The following NCOR1 variants were observed in gnomAD, a reference collection of about 807,000 sequenced individuals.
NCOR1 encodes protein phosphatase 1, regulatory subunit 109.
Under a neutral mutation model 288.1 loss-of-function variants are expected in NCOR1, and 63 were observed. That is an observed-to-expected ratio of 0.22 (90% CI 0.18 to 0.27). The LOEUF (loss-of-function observed/expected upper bound fraction) is 0.27. NCOR1 is among the 10% of genes least tolerant of loss of function. The pLI is 1.00. For missense variants in NCOR1, 2,397 were observed against 3,019.2 expected (o/e 0.79, Z 4.83); for synonymous variants, 1,007 against 1,065.9 (o/e 0.94, Z 1.08).
chr17:16,208,872 A>G (rs2153611997), intron 1 of NCOR1, among the ~76,000 whole-genome samples: 1 of 152,284 alleles, frequency 6.6e-6, no homozygotes, highest in East Asian at 1.9e-4. Flanking sequence ...TTGATAATTT[A>G]CTAATTACAG....
At position 16,061,429 on chromosome 17, in the gene NCOR1, G is replaced by A; in HGVS notation, c.5853C>T (p.Gly1951=). ...IASDKDARER[G]SQSSDSSSSL... is the part of the protein sequence containing the mutation. ...TACTAGAAGAGTCTGAACTTTGAGAGCCACGTTCCCTCGCATCCTTGTCCG... is the reference window on the plus strand; with the variant it reads ...TACTAGAAGAGTCTGAACTTTGAGAACCACGTTCCCTCGCATCCTTGTCCG... Residue 1951 remains glycine, a synonymous_variant, in exon 37 of 46, where the codon GGC becomes GGT. Transcript: ENST00000268712. 1 of 1,614,164 alleles carries A rather than the reference G, an allele frequency of 6.2e-7. No homozygotes were observed. Among genetic ancestry groups the A allele is most frequent in the Non-Finnish European group, 8.5e-7 (1 of 1,180,028 alleles).
intron 2 of NCOR1, chr17:16,192,044 C>CA (rs1382365965): frequency 8.8e-5 from 13 of 147,618 alleles, no homozygotes; most frequent in Admixed American, 2.7e-4. Flanking sequence ...AAAAAAAAAA[C>CA]AAAAAAAATG....
chr17:16,122,265 A>AAT (rs1321626695), intron 15 of NCOR1, among the ~76,000 whole-genome samples: 1 of 152,228 alleles, frequency 6.6e-6, no homozygotes, highest in Non-Finnish European at 1.5e-5. Flanking sequence ...GATAGATGGC[A>AAT]ATACTCAAAG....
At chr17:16,198,295 T>C (rs2090200848) in intron 1 of NCOR1, 1 of 147,774 alleles carries the variant, frequency 6.8e-6, no homozygotes, top group Admixed American at 6.8e-5. Context: ...GAGGCAGAGC[T>C]TGCAGTGAGC....
chr17:16,137,595 T>C (rs1251652137), intron 13 of NCOR1, among the ~76,000 whole-genome samples, 183 bp from the exon 14 acceptor site: 2 of 152,194 alleles, frequency 1.3e-5, no homozygotes, highest in East Asian at 1.9e-4. Context: ...ATAGGTACTA[T>C]TTTAATAGAC....
intron 42 of NCOR1, among the ~76,000 whole-genome samples, chr17:16,042,125 A>C (rs1391904164): frequency 6.7e-6 from 1 of 148,436 alleles, no homozygotes; most frequent in Non-Finnish European, 1.5e-5. Context: ...TGTGCCTAGA[A>C]ACAAACTTGG....
At position 16,118,921 on chromosome 17, in the gene NCOR1, C is replaced by G. The variant is rs368321093; in HGVS notation, c.1915+502G>C. Among the ~76,000 whole-genome samples, 8 of 152,318 alleles carry G rather than the reference C, an allele frequency of 5.3e-5. No homozygotes were observed. In the East Asian group the frequency reaches 1.4e-3, roughly 26 times the overall value. On this transcript the variant is annotated intron_variant, in intron 17 of 45. Transcript: ENST00000268712. ...GAAAGTGGCAGAGACAGGACTCAAA[C>G]CTTCGCTGGCCTGGTTACAAACTTC...
chr17:16,058,567 C>A lies in NCOR1; in HGVS notation c.5914G>T (p.Ala1972Ser), dbSNP rs781610396. 5.7e-5 allele frequency: 92 copies of A among 1,612,816 alleles called. No individual in the cohort carries two copies. The highest frequency in any genetic ancestry group is 7.7e-5 in the Non-Finnish European group (91 of 1,179,214). The change falls in exon 38 of 46, where the codon GCT becomes TCT. Residue 1972 changes from alanine to serine, a missense_variant. By Grantham distance (99) the Ala-to-Ser change is moderately conservative. Around this residue, in one of 11 missense-constraint regions of NCOR1, gnomAD observed 1,872 missense variants for 2,187.8 expected, o/e 0.86. Transcript: ENST00000268712. ...CTGGCAGGACTTATCACCTCAATAGCATCGCTAGGTGTTTCATACCTGTGA... is the reference window on the plus strand; with the variant it reads ...CTGGCAGGACTTATCACCTCAATAGAATCGCTAGGTGTTTCATACCTGTGA... ...SSHRYETPSD[A>S]IEVISPASSP...
intron 1 of NCOR1, among the ~76,000 whole-genome samples, chr17:16,208,478 C>G (rs1013143280): frequency 4.6e-5 from 7 of 152,004 alleles, no homozygotes; most frequent in Admixed American, 3.3e-4. Context: ...TGAGTGCTGT[C>G]TAGGATGAAC....
At chr17:16,201,546 CAA>C (rs1038866072) in intron 1 of NCOR1, among the ~76,000 whole-genome samples, 2 of 152,052 alleles carry the variant, frequency 1.3e-5, no homozygotes, top group African/African-American at 4.8e-5. Context: ...TGCAGTGAGA[CAA>C]GATCATGCCA....
chr17:16,176,095 C>T (rs922049732), intron 3 of NCOR1, among the ~76,000 whole-genome samples: 22 of 151,648 alleles, frequency 1.5e-4, no homozygotes, highest in African/African-American at 5.3e-4. Flanking sequence ...GGCACATGCC[C>T]GTAATCCCAG....
chr17:16,035,413 C>T (rs1483309817), intron 44 of NCOR1, among the ~76,000 whole-genome samples: 5 of 152,064 alleles, frequency 3.3e-5, no homozygotes, highest in Non-Finnish European at 5.9e-5. Flanking sequence ...GATTCAATCT[C>T]AAGAAACCAC....
At chr17:16,077,851 A>G (rs2062796556) in intron 26 of NCOR1, among the ~76,000 whole-genome samples, 1 of 152,198 alleles carries the variant, frequency 6.6e-6, no homozygotes, top group Non-Finnish European at 1.5e-5. Flanking sequence ...CCAACCTAAT[A>G]TAAATTTTCT....
At chr17:16,076,485 C>T (rs781064554) in intron 26 of NCOR1, among the ~76,000 whole-genome samples, 6 of 152,318 alleles carry the variant, frequency 3.9e-5, no homozygotes, top group Admixed American at 2.6e-4. Flanking sequence ...GATGCTGATC[C>T]TCTTACAACT....
At chr17:16,183,353 T>A (rs1414469235) in intron 3 of NCOR1, among the ~76,000 whole-genome samples, 2 of 149,534 alleles carry the variant, frequency 1.3e-5, no homozygotes, top group East Asian at 4.0e-4. Flanking sequence ...TTCCCCAAGA[T>A]TCTACACATT....
intron 43 of NCOR1, 66 bp downstream of exon 43, chr17:16,040,375 A>G: frequency 3.1e-6 from 4 of 1,305,398 alleles, no homozygotes; most frequent in South Asian, 1.2e-5. Flanking sequence ...TACTCAGTAC[A>G]TATTTGTTGG....
Position 16,073,472 on chromosome 17 carries a change from T to G in NCOR1, c.3768A>C (p.Gln1256His), listed in dbSNP as rs200471424. The G allele has an allele frequency of 1.4e-4, 233 of 1,611,336 alleles. 1 individual carries two copies. Among genetic ancestry groups the G allele is most frequent in the Middle Eastern group, 5.0e-4 (3 of 6,054 alleles). Residue 1256 changes from glutamine (Q) to histidine (H), a missense_variant, in exon 28 of 46, where the codon CAA becomes CAC. By Grantham distance (24) the Gln-to-His change is conservative. Transcript: ENST00000268712. ...SYESVEGNIK[Q>H]GMSMRESPVS... ...CAGGAGACTCCCTCATTGACATCCC[T>G]TGCTTTATATTTCCTTCCACTGATT...
At chr17:16,147,571 A>C (rs945838612) in intron 9 of NCOR1, among the ~76,000 whole-genome samples, 16 of 152,226 alleles carry the variant, frequency 1.1e-4, no homozygotes, top group African/African-American at 3.6e-4. Flanking sequence ...TGGACAGAGG[A>C]AAGTGAGGAA....
chr17:16,041,068 C>T (rs527295797), intron 42 of NCOR1: 2 of 152,872 alleles, frequency 1.3e-5, no homozygotes, highest in East Asian at 1.9e-4. Flanking sequence ...GGGATGTGAT[C>T]CAGAGGAAAG....
Sources: gnomAD v4.1 joint callset for allele counts (sites outside exome capture counted in the v4.1 genomes callset) on GRCh38, gnomAD v4.1.1 for gene constraint, gnomAD v4.1.1 regional missense constraint, MANE v1.5 for transcripts, NCBI Gene and HGNC (gene_info 2026-07-23, HGNC 2026-07-21) for gene names.